SOX5: variants seen among roughly 807,000 people sequenced by gnomAD.
The protein encoded by SOX5 is SRY-box transcription factor 5, also known as transcription factor SOX-5.
A neutral mutation model predicts 92.0 loss-of-function variants in SOX5; 9 were observed. The observed-to-expected ratio is 0.10, with a 90% CI of 0.06 to 0.17. SOX5 has a LOEUF of 0.17. SOX5 is among the 10% of genes least tolerant of loss of function. The pLI is 1.00. For missense variants in SOX5, 642 were observed against 944.5 expected (o/e 0.68, Z 4.20); for synonymous variants, 344 against 336.3 (o/e 1.02, Z -0.25).
chr12:24,443,027 C>G (rs1215508130), intron 1 of SOX5, among the ~76,000 whole-genome samples: 2 of 142,546 alleles, frequency 1.4e-5, no homozygotes, highest in Non-Finnish European at 3.0e-5. Context: ...TCTTGGCTCA[C>G]TGCCACCTCC....
intron 3 of SOX5, among the ~76,000 whole-genome samples, chr12:24,261,464 G>A (rs1181298719): frequency 6.6e-6 from 1 of 152,074 alleles, no homozygotes; most frequent in Non-Finnish European, 1.5e-5. Flanking sequence ...ACTTTTGGTT[G>A]CTTGAATTCG....
intron 1 of SOX5, among the ~76,000 whole-genome samples, chr12:24,526,195 T>C (rs1243717600): frequency 6.6e-6 from 1 of 152,132 alleles, no homozygotes; most frequent in African/African-American, 2.4e-5. Flanking sequence ...CAAGCAATTC[T>C]TCATTAAACA....
intron 10 of SOX5, among the ~76,000 whole-genome samples, chr12:23,568,126 T>C (rs543087065): frequency 4.6e-5 from 7 of 152,248 alleles, no homozygotes; most frequent in African/African-American, 1.4e-4. Flanking sequence ...GGGCCATAAA[T>C]CCAATAACCG....
At chr12:24,562,551 G>A, upstream of SOX5, 1 of 153,658 alleles carries the variant, frequency 6.5e-6, no homozygotes, top group Non-Finnish European at 1.4e-5. Context: ...GCTCGCTCGC[G>A]CTCCCCGTGT....
chr12:23,627,015 G>C (rs895812645), intron 8 of SOX5, among the ~76,000 whole-genome samples: 1 of 152,274 alleles, frequency 6.6e-6, no homozygotes, highest in Middle Eastern at 3.4e-3. Flanking sequence ...GGTTAGAATG[G>C]ATCATCATAG....
At chr12:24,200,679 G>A (rs577794002) in intron 4 of SOX5, among the ~76,000 whole-genome samples, 1 of 152,064 alleles carries the variant, frequency 6.6e-6, no homozygotes, top group Non-Finnish European at 1.5e-5. Context: ...CTTCTCTAAT[G>A]CCCCAGAGTA....
At chr12:24,083,550 A>G (rs1045311503) in intron 4 of SOX5, among the ~76,000 whole-genome samples, 2 of 152,074 alleles carry the variant, frequency 1.3e-5, no homozygotes, top group Non-Finnish European at 2.9e-5. Context: ...AGAAATAGGT[A>G]TAACGTTTTT....
chr12:23,764,628 T>C (rs779890098), intron 3 of SOX5, among the ~76,000 whole-genome samples: 3 of 152,096 alleles, frequency 2.0e-5, no homozygotes, highest in Non-Finnish European at 4.4e-5. Flanking sequence ...TGAATTCACA[T>C]AATCACTTTG....
chr12:23,772,237 T>A (rs549940967), intron 3 of SOX5, among the ~76,000 whole-genome samples: 16 of 152,386 alleles, frequency 1.0e-4, no homozygotes, highest in African/African-American at 3.6e-4. Flanking sequence ...GATGTCTTCA[T>A]CTTTGGCCCT....
chr12:23,604,590 T>C (rs1209378150), intron 8 of SOX5, 57 bp from the exon 9 acceptor site: 2 of 1,525,150 alleles, frequency 1.3e-6, no homozygotes, highest in Non-Finnish European at 1.8e-6. Flanking sequence ...AAAATAAACG[T>C]ACCATTCAGA....
At chr12:24,277,240 A>C (rs991709162) in exon 3 of SOX5, 2 of 151,718 alleles carry the variant, frequency 1.3e-5, no homozygotes, top group Admixed American at 6.6e-5. Flanking sequence ...GTGCAGTGCC[A>C]GAATTCTCTG....
rs559299997 is a variant in SOX5 at position 24,312,350 on chromosome 12, C to T, written c.-173-35038G>A. Among the ~76,000 whole-genome samples the T allele has an allele frequency of 2.0e-5, 3 of 152,310 alleles. No homozygotes were observed. In the South Asian group the frequency reaches 6.2e-4, roughly 32 times the overall value. ...TTTGGCCTAGCAGGTCCTAAATAAT[C>T]CGATTCTTTGCCCACTGGTATCATT... On this transcript the variant is annotated intron_variant, in intron 2 of 4. Transcript: ENST00000446891.
intron 3 of SOX5, among the ~76,000 whole-genome samples, chr12:24,255,728 A>G (rs1229765347): frequency 1.3e-5 from 2 of 152,210 alleles, no homozygotes; most frequent in Non-Finnish European, 2.9e-5. Context: ...TTAACATCTC[A>G]TCCAAAAAAT....
At chr12:23,827,950 T>C (rs1225604451) in intron 3 of SOX5, among the ~76,000 whole-genome samples, 3 of 152,054 alleles carry the variant, frequency 2.0e-5, no homozygotes, top group Non-Finnish European at 4.4e-5. Context: ...CTTCAACATT[T>C]GGGAATTTAT....
At chr12:24,456,448 G>A (rs1405869952) in intron 1 of SOX5, among the ~76,000 whole-genome samples, 1 of 152,130 alleles carries the variant, frequency 6.6e-6, no homozygotes, top group Non-Finnish European at 1.5e-5. Flanking sequence ...AAGGAAGAAG[G>A]GTCAGAATGC....
At chr12:24,337,354 T>C (rs934812387) in intron 2 of SOX5, among the ~76,000 whole-genome samples, 8 of 151,516 alleles carry the variant, frequency 5.3e-5, no homozygotes, top group African/African-American at 1.5e-4. Context: ...TTTTTTTTTT[T>C]AAGAGAGAGA....
At chr12:24,240,873 G>C (rs192428916) in intron 3 of SOX5, among the ~76,000 whole-genome samples, 1 of 152,240 alleles carries the variant, frequency 6.6e-6, no homozygotes, top group Admixed American at 6.5e-5. Flanking sequence ...TTCAACTTGA[G>C]ACACTTATTA....
intron 4 of SOX5, among the ~76,000 whole-genome samples, chr12:24,015,921 A>AG (rs1446162932): frequency 9.9e-6 from 1 of 101,446 alleles, no homozygotes; most frequent in African/African-American, 3.9e-5. Context: ...CAATGGGGGC[A>AG]GAAAAAAAAA....
intron 1 of SOX5, among the ~76,000 whole-genome samples, chr12:23,933,737 G>A (rs910456718): frequency 1.3e-5 from 2 of 151,480 alleles, no homozygotes; most frequent in African/African-American, 2.4e-5. Context: ...TCAGGTACTT[G>A]AGCAGATCCA....
Sources: allele counts gnomAD v4.1 joint callset (sites outside exome capture counted in the v4.1 genomes callset), GRCh38; gene constraint gnomAD v4.1.1; transcripts MANE v1.5; gene names NCBI Gene and HGNC (gene_info 2026-07-23, HGNC 2026-07-21).